The following ZFP90 variants were observed in gnomAD, a reference collection of about 807,000 sequenced individuals.
ZFP90 encodes the protein ZFP90 zinc finger protein.
In ZFP90, 38 loss-of-function variants were observed where a neutral mutation model predicts 60.8. That is an observed-to-expected ratio of 0.62 (90% CI 0.48 to 0.82). The LOEUF is 0.82. Among genes scored for constraint, ZFP90 ranks in the 40% least tolerant of loss-of-function variants. ZFP90 has a pLI of 0.00. For synonymous variants in ZFP90, 287 were observed against 264.8 expected, an observed-to-expected ratio of 1.08 and a Z score of -0.82; for missense variants, 711 against 759.1, an observed-to-expected ratio of 0.94 and a Z score of 0.74.
chr16:68,546,066 T>C (rs9925408), intron 2 of ZFP90, among the ~76,000 whole-genome samples: 5,192 of 152,132 alleles, frequency 0.034, 278 homozygotes, highest in African/African-American at 0.12. Context: ...TCCCAGCTAC[T>C]TGGGAGGCTG....
Position 68,565,606 on chromosome 16 carries a change from T to A in ZFP90, c.*908T>A. ...ATGCCAGTTTCACAGAACTATTAAGTCCCCTTATTGTACTTTTTATGGCAT... is the reference window on the plus strand; with the variant it reads ...ATGCCAGTTTCACAGAACTATTAAGACCCCTTATTGTACTTTTTATGGCAT... On this transcript the variant is annotated 3_prime_UTR_variant, in exon 5 of 5. Transcript: ENST00000563169. 1 of 985,496 alleles carries A rather than the reference T, an allele frequency of 1.0e-6. No individual in the cohort carries two copies. Among genetic ancestry groups the A allele is most frequent in the Non-Finnish European group, 1.2e-6 (1 of 829,920 alleles). The allele number at this position is 985,496 out of a possible 1,614,324, so 61.0% of individuals were successfully genotyped here.
intron 4 of ZFP90, among the ~76,000 whole-genome samples, chr16:68,561,384 T>A (rs563008957): frequency 3.3e-5 from 5 of 152,356 alleles, no homozygotes; most frequent in African/African-American, 1.2e-4. Flanking sequence ...CATATCTTTT[T>A]CCTCATTAGG....
chr16:68,576,355 A>G (rs2091594215), downstream of ZFP90, among the ~76,000 whole-genome samples: 1 of 152,204 alleles, frequency 6.6e-6, no homozygotes, highest in African/African-American at 2.4e-5. Flanking sequence ...GTTTAACATC[A>G]TTGCTACCTG....
intron 2 of ZFP90, among the ~76,000 whole-genome samples, chr16:68,557,583 T>C (rs2091365927): frequency 6.6e-6 from 1 of 151,878 alleles, no homozygotes; most frequent in South Asian, 2.1e-4. Flanking sequence ...ACTTTGTGTA[T>C]ACACCAAACT....
chr16:68,539,640 C>T (rs1228880230), intron 1 of ZFP90, 118 bp from the exon 2 acceptor site: 1 of 820,264 alleles, frequency 1.2e-6, no homozygotes, highest in South Asian at 2.1e-5. Flanking sequence ...GGGCTGGTTC[C>T]ACGGTCCTCG....
chr16:68,565,983 A>T lies in ZFP90; in HGVS notation c.*1285A>T. The T allele has an allele frequency of 2.6e-6, 2 of 767,350 alleles. No homozygotes were observed. Among genetic ancestry groups the T allele is most frequent in the Non-Finnish European group, 3.2e-6 (2 of 631,312 alleles). 47.5% of individuals were successfully genotyped at this position (767,350 alleles called of 1,614,324 possible). On this transcript the variant is annotated 3_prime_UTR_variant, in exon 5 of 5. Coordinates refer to ENST00000563169, the MANE Select transcript of ZFP90 (RefSeq NM_001305203.2). ...CTTTAAAAAAAAAAAAAAATCCAAAAATTAGCTGGGCATGGTGGCATGCAG... is the reference window on the plus strand; with the variant it reads ...CTTTAAAAAAAAAAAAAAATCCAAATATTAGCTGGGCATGGTGGCATGCAG...
At chr16:68,535,219 A>T (rs73562116), upstream of ZFP90, among the ~76,000 whole-genome samples, 5,179 of 152,282 alleles carry the variant, frequency 0.034, 279 homozygotes, top group African/African-American at 0.12. Flanking sequence ...CTACATTCTC[A>T]GCTTGCAGTT....
chr16:68,534,632 ACAGTGGCT>A (rs919231908), upstream of ZFP90, among the ~76,000 whole-genome samples: 6 of 151,376 alleles, frequency 4.0e-5, no homozygotes, highest in Admixed American at 1.3e-4. Context: ...ACAGCCGGGC[ACAGTGGCT>A]CACGCCTGTA....
downstream of ZFP90, among the ~76,000 whole-genome samples, chr16:68,570,396 C>T (rs967296990): frequency 2.0e-5 from 3 of 152,260 alleles, no homozygotes; most frequent in South Asian, 4.1e-4. Flanking sequence ...GCACATCCAA[C>T]TCCTAGGCAG....
intron 2 of ZFP90, chr16:68,555,156 T>G (rs1311758463): frequency 6.6e-6 from 1 of 152,274 alleles, no homozygotes; most frequent in Non-Finnish European, 1.5e-5. Context: ...TTTGAGCGCC[T>G]GCAGCACCTC....
intron 2 of ZFP90, among the ~76,000 whole-genome samples, chr16:68,542,036 G>A (rs958619933): frequency 6.6e-6 from 1 of 152,174 alleles, no homozygotes; most frequent in Non-Finnish European, 1.5e-5. Context: ...GGTCCTAAAC[G>A]GGGCTTTTCA....
Position 68,565,553 on chromosome 16 carries a change from C to T in ZFP90, c.*855C>T, listed in dbSNP as rs2091512229. 1.0e-6 allele frequency: 1 copy of T among 985,402 alleles called. No homozygotes were observed. Among genetic ancestry groups the T allele is most frequent in the African/African-American group, 1.7e-5 (1 of 57,214 alleles). 61.0% of individuals were successfully genotyped at this position (985,402 alleles called of 1,614,324 possible). On this transcript the variant is annotated 3_prime_UTR_variant, in exon 5 of 5. Coordinates refer to ENST00000563169, the MANE Select transcript of ZFP90 (RefSeq NM_001305203.2). ...ACTAGTGACTTTTTTCCCCTTTTCC[C>T]AGTTACAATTATACTTTCAGCTAAC... is the stretch of plus-strand genomic sequence containing the variant.
upstream of ZFP90, among the ~76,000 whole-genome samples, chr16:68,537,606 C>T (rs2152049921): frequency 6.6e-6 from 1 of 152,284 alleles, no homozygotes; most frequent in South Asian, 2.1e-4. Flanking sequence ...CGCTTTGTCG[C>T]CCAGGTCGGA....
chr16:68,564,608 A>G lies in ZFP90; in HGVS notation c.1821A>G (p.Lys607=). 4 of 1,614,028 alleles carry G rather than the reference A, an allele frequency of 2.5e-6. No homozygotes were observed. Among genetic ancestry groups the G allele is most frequent in the Non-Finnish European group, 3.4e-6 (4 of 1,179,980 alleles). ...ATCAGAGAATTCATACTGGAGAAAA[A>G]CCCTATTCTTGTAAGGAATGTGGGA... ...HDHQRIHTGE[K]PYSCKECGKN... The change falls in exon 5 of 5, where the codon AAA becomes AAG. Residue 607 remains lysine, a synonymous_variant. Transcript: ENST00000563169.
intron 2 of ZFP90, among the ~76,000 whole-genome samples, chr16:68,545,610 C>T (rs927354465): frequency 3.4e-5 from 5 of 148,340 alleles, no homozygotes; most frequent in Non-Finnish European, 7.5e-5. Context: ...GTCAGGAGAT[C>T]GAGACCATCC....
intron 2 of ZFP90, among the ~76,000 whole-genome samples, chr16:68,548,474 CTTTTTTTTTTTTTTT>C (rs551779570): frequency 6.2e-5 from 5 of 81,046 alleles, no homozygotes. Context: ...GTTTATCCTC[CTTTTTTTTTTTTTTT>C]TTTTTTTTTT....
intron 2 of ZFP90, among the ~76,000 whole-genome samples, chr16:68,551,125 A>G (rs2091253158): frequency 6.6e-6 from 1 of 152,108 alleles, no homozygotes; most frequent in Non-Finnish European, 1.5e-5. Flanking sequence ...TGATTGGGCA[A>G]ACTGTATTTG....
chr16:68,559,903 C>G (rs748637359), intron 4 of ZFP90, among the ~76,000 whole-genome samples: 1 of 152,090 alleles, frequency 6.6e-6, no homozygotes, highest in Non-Finnish European at 1.5e-5. Context: ...GGGTCTTGCT[C>G]TGTCACCCAG....
rs776893298 is a variant in ZFP90, at chr16:68,564,092, A to G, written c.1305A>G (p.Thr435=). Residue 435 remains threonine (T), a synonymous_variant, in exon 5 of 5, where the codon ACA becomes ACG. Coordinates refer to ENST00000563169, the MANE Select transcript of ZFP90 (RefSeq NM_001305203.2). ...ACAGCATAGATTTCAAGCACAGCAC[A>G]TCTCTCACTCAAGATGAAAGCACTC... ...SNYSIDFKHS[T]SLTQDESTLT... 30 of 1,614,034 alleles carry G rather than the reference A, an allele frequency of 1.9e-5. 1 individual carries two copies. In the Admixed American group the frequency reaches 3.5e-4, roughly 19 times the overall value.
Sources: gnomAD v4.1 joint callset for allele counts (sites outside exome capture counted in the v4.1 genomes callset) on GRCh38, gnomAD v4.1.1 for gene constraint, MANE v1.5 for transcripts, NCBI Gene and HGNC (gene_info 2026-07-23, HGNC 2026-07-21) for gene names.